The following MED15 variants were observed in gnomAD, a reference collection of about 807,000 sequenced individuals.
MED15 encodes mediator complex subunit 15.
A neutral mutation model predicts 118.7 loss-of-function variants in MED15; 41 were observed. The ratio of observed to expected loss-of-function variants is 0.35; its 90% CI spans 0.27 to 0.45. MED15 has a LOEUF of 0.45. MED15 is among the 20% of genes least tolerant of loss of function. The pLI is 1.00. For missense variants in MED15, 740 were observed against 1,025.5 expected, an observed-to-expected ratio of 0.72 and a Z score of 3.80; for synonymous variants, 436 against 413.9, an observed-to-expected ratio of 1.05 and a Z score of -0.65.
chr22:20,584,006 C>T (rs1169391449), intron 13 of MED15: 1 of 313,612 alleles, frequency 3.2e-6, no homozygotes, highest in Non-Finnish European at 6.0e-6. Flanking sequence ...GATAGAATGC[C>T]AGTCACTATT....
intron 9 of MED15, among the ~76,000 whole-genome samples, chr22:20,580,377 C>T (rs2056946426): frequency 6.6e-6 from 1 of 152,146 alleles, no homozygotes; most frequent in African/African-American, 2.4e-5. Flanking sequence ...CTGCCTTGCT[C>T]CTCAGAGAAG....
intron 1 of MED15, 79 bp downstream of exon 1, chr22:20,507,825 G>A (rs2053920964): frequency 1.3e-6 from 2 of 1,585,362 alleles, no homozygotes; most frequent in African/African-American, 2.7e-5. Flanking sequence ...GGCCGGACCC[G>A]TGAGAAACCT....
chr22:20,583,628 G>A (rs1329530512), intron 13 of MED15: 2 of 532,398 alleles, frequency 3.8e-6, no homozygotes, highest in Non-Finnish European at 6.8e-6. Context: ...CTCATGCTGG[G>A]CCATCACAGC....
At chr22:20,532,296 G>T (rs2054891628) in intron 1 of MED15, among the ~76,000 whole-genome samples, 1 of 152,210 alleles carries the variant, frequency 6.6e-6, no homozygotes, top group Admixed American at 6.5e-5. Context: ...GGCACTTGGT[G>T]CTGGGAGATG....
chr22:20,566,366 G>A, intron 6 of MED15, 101 bp from the exon 7 acceptor site: 1 of 1,557,302 alleles, frequency 6.4e-7, no homozygotes, highest in African/African-American at 1.3e-5. Context: ...TGGCTCTGCA[G>A]ATGGCCACCT....
At chr22:20,530,303 A>T (rs919517650) in intron 1 of MED15, among the ~76,000 whole-genome samples, 1 of 152,146 alleles carries the variant, frequency 6.6e-6, no homozygotes, top group Non-Finnish European at 1.5e-5. Context: ...ATTCTGCCCT[A>T]TGAGAGTTCA....
At chr22:20,524,921 AT>A (rs923166268) in intron 1 of MED15, among the ~76,000 whole-genome samples, 2 of 152,046 alleles carry the variant, frequency 1.3e-5, no homozygotes, top group Non-Finnish European at 2.9e-5. Context: ...GCCTGTGGCA[AT>A]TTTTTGAGAC....
At chr22:20,533,455 C>G (rs2054932719) in intron 1 of MED15, among the ~76,000 whole-genome samples, 1 of 152,200 alleles carries the variant, frequency 6.6e-6, no homozygotes. Context: ...ACTGCAAAAC[C>G]ACACAGGGTC....
At chr22:20,575,392 C>T (rs2056794134) in intron 9 of MED15, among the ~76,000 whole-genome samples, 160 bp downstream of exon 9, 1 of 150,878 alleles carries the variant, frequency 6.6e-6, no homozygotes, top group African/African-American at 2.4e-5. Flanking sequence ...TTAAATGAAG[C>T]CAAGCCCAGC....
intron 1 of MED15, among the ~76,000 whole-genome samples, chr22:20,528,488 A>G (rs2146403782): frequency 6.6e-6 from 1 of 152,300 alleles, no homozygotes; most frequent in East Asian, 1.9e-4. Flanking sequence ...TGAGAATCTG[A>G]TGCCACCACT....
chr22:20,550,234 G>A (rs575996894), intron 2 of MED15, among the ~76,000 whole-genome samples: 22 of 152,268 alleles, frequency 1.4e-4, no homozygotes, highest in Non-Finnish European at 2.9e-4. Flanking sequence ...ACGCACATCA[G>A]CTTTCCTATC....
intron 1 of MED15, among the ~76,000 whole-genome samples, chr22:20,527,055 T>C (rs2054670365): frequency 1.3e-5 from 2 of 152,340 alleles, no homozygotes; most frequent in South Asian, 4.1e-4. Flanking sequence ...GCCCTTGTGC[T>C]GGCTTGTGCT....
intron 8 of MED15, among the ~76,000 whole-genome samples, chr22:20,569,743 G>A (rs1233595817): frequency 1.3e-5 from 2 of 152,136 alleles, no homozygotes. Flanking sequence ...TTACTTAGAT[G>A]GAGCCCTGTA....
At chr22:20,561,726 G>T (rs2056249612) in intron 5 of MED15, among the ~76,000 whole-genome samples, 1 of 152,096 alleles carries the variant, frequency 6.6e-6, no homozygotes, top group Non-Finnish European at 1.5e-5. Flanking sequence ...AATAAAAGAT[G>T]AAGAAAGGCC....
intron 5 of MED15, among the ~76,000 whole-genome samples, chr22:20,557,149 C>T (rs1410143512): frequency 6.6e-6 from 1 of 152,130 alleles, no homozygotes; most frequent in Non-Finnish European, 1.5e-5. Flanking sequence ...GCAGCATCGC[C>T]CCCTCTGCTT....
chr22:20,513,327 T>A (rs2054142529), intron 1 of MED15, among the ~76,000 whole-genome samples: 1 of 151,500 alleles, frequency 6.6e-6, no homozygotes, highest in Non-Finnish European at 1.5e-5. Flanking sequence ...TGGCCCAGGC[T>A]GGAGTGCATT....
In MED15 at chr22:20,586,832, C is replaced by T. The variant is rs2057150029; in HGVS notation, c.*128C>T. ...TTAGCTTTCCTGCTTTTATCTTCTGCCTTGGGGACCTGCCAAACGAAATCC... is the reference window on the plus strand; with the variant it reads ...TTAGCTTTCCTGCTTTTATCTTCTGTCTTGGGGACCTGCCAAACGAAATCC... On this transcript the variant is annotated 3_prime_UTR_variant, in exon 18 of 18. Transcript: ENST00000263205. 5.9e-6 allele frequency: 8 copies of T among 1,351,194 alleles called. No homozygotes were observed. The highest frequency in any genetic ancestry group is 2.9e-5 in the African/African-American group (2 of 68,706). The allele number at this position is 1,351,194 out of a possible 1,614,324, so 83.7% of individuals were successfully genotyped here.
chr22:20,575,301 G>A (rs1026595767), intron 9 of MED15, 69 bp downstream of exon 9: 38 of 1,554,246 alleles, frequency 2.4e-5, no homozygotes, highest in Non-Finnish European at 2.2e-5. Context: ...TTTGTAAAGC[G>A]CACCTGTCAT....
chr22:20,523,605 T>G, intron 1 of MED15: 351 of 956,296 alleles, frequency 3.7e-4, no homozygotes, highest in Middle Eastern at 5.4e-4. Context: ...CAGAGCCATG[T>G]GAGATCAGCA....
Sources: allele counts gnomAD v4.1 joint callset (sites outside exome capture counted in the v4.1 genomes callset), GRCh38; gene constraint gnomAD v4.1.1; transcripts MANE v1.5; gene names NCBI Gene and HGNC (gene_info 2026-07-23, HGNC 2026-07-21).